CERT1: variants seen among roughly 807,000 people sequenced by gnomAD.
CERT1 encodes ceramide transporter 1.
A neutral mutation model predicts 87.9 loss-of-function variants in CERT1; 31 were observed. The ratio of observed to expected loss-of-function variants is 0.35; its 90% CI spans 0.27 to 0.48. The LOEUF (loss-of-function observed/expected upper bound fraction) is 0.48. CERT1 is among the 20% of genes least tolerant of loss of function. The probability of loss-of-function intolerance (pLI) is 0.99; values close to 1 mark genes in which losing one functional copy is unlikely to be tolerated. For synonymous variants in CERT1, 289 were observed against 250.9 expected (o/e 1.15, Z -1.44); for missense variants, 487 against 758.0 (o/e 0.64, Z 4.20).
chr5:75,484,724 A>G (rs1766428016), intron 2 of CERT1, among the ~76,000 whole-genome samples: 1 of 152,168 alleles, frequency 6.6e-6, no homozygotes, highest in African/African-American at 2.4e-5. Flanking sequence ...CCACCCAGAT[A>G]TATAAAGCAA....
chr5:75,384,782 A>T, intron 13 of CERT1, 70 bp from the exon 14 acceptor site: 1 of 1,025,512 alleles, frequency 9.8e-7, no homozygotes, highest in Non-Finnish European at 1.5e-6. Flanking sequence ...CTTATGTTGA[A>T]AGTCAAGTAC....
At position 75,382,058 on chromosome 5, in the gene CERT1, T is replaced by C. The variant is rs146141071; in HGVS notation, c.1508A>G (p.Gln503Arg). The change falls in exon 15 of 17, where the codon CAG becomes CGG. Residue 503 changes from glutamine to arginine, a missense_variant. Physicochemically the swap from Gln to Arg is conservative, Grantham distance 43. This residue lies in a region of CERT1 where 147 missense variants were observed against 200.8 expected (regional missense o/e 0.73). Transcript: ENST00000643780. ...GACAGAAAGATATAATACGTCTCGC[T>C]GAGAAGCAGGCCACACCCTCTGTGG... ...QTHKRVWPASQRDVLYLSVIR... is the reference protein window; with the variant it reads ...QTHKRVWPASRRDVLYLSVIR... 2 of 1,613,936 alleles carry C rather than the reference T, an allele frequency of 1.2e-6. No individual in the cohort carries two copies. The highest frequency in any genetic ancestry group is 1.7e-6 in the Non-Finnish European group (2 of 1,179,962).
At chr5:75,455,183 T>C (rs1290530557) in intron 3 of CERT1, among the ~76,000 whole-genome samples, 1 of 152,242 alleles carries the variant, frequency 6.6e-6, no homozygotes, top group Non-Finnish European at 1.5e-5. Context: ...ATGTCTTGAC[T>C]GCACATTGCA....
intron 2 of CERT1, among the ~76,000 whole-genome samples, chr5:75,462,952 A>G (rs1765300225): frequency 1.4e-5 from 2 of 145,612 alleles, no homozygotes; most frequent in Admixed American, 7.0e-5. Context: ...AGATGGCGCT[A>G]CTGTACTCCA....
intron 2 of CERT1, among the ~76,000 whole-genome samples, chr5:75,491,392 A>G (rs578220723): frequency 1.3e-5 from 2 of 152,230 alleles, no homozygotes; most frequent in Admixed American, 1.3e-4. Flanking sequence ...GACATTCAGA[A>G]GTGTGTCTCT....
intron 2 of CERT1, among the ~76,000 whole-genome samples, chr5:75,485,312 C>CAAAAAAAAACAAAAAAAAAA (rs1766461799): frequency 2.2e-5 from 1 of 46,438 alleles, no homozygotes; most frequent in Non-Finnish European, 3.7e-5. Flanking sequence ...CACAAAAATA[C>CAAAAAAAAACAAAAAAAAAA]AAAAAAAAAA....
At chr5:75,506,251 A>C in intron 1 of CERT1, 135 bp from the exon 2 acceptor site, 1 of 659,472 alleles carries the variant, frequency 1.5e-6, no homozygotes, top group East Asian at 3.0e-5. Context: ...AAGCATAAAC[A>C]GTAAAATGAT....
intron 3 of CERT1, among the ~76,000 whole-genome samples, chr5:75,458,270 T>C (rs939378367): frequency 1.1e-4 from 16 of 152,240 alleles, no homozygotes; most frequent in African/African-American, 3.6e-4. Flanking sequence ...CTTATATATT[T>C]ATATAAAAAA....
chr5:75,432,464 G>C (rs746299583), intron 3 of CERT1, among the ~76,000 whole-genome samples: 3 of 152,216 alleles, frequency 2.0e-5, no homozygotes, highest in Admixed American at 6.5e-5. Context: ...CTAACAAACA[G>C]TGATGTTGAA....
intron 3 of CERT1, among the ~76,000 whole-genome samples, chr5:75,456,467 A>G (rs1276255659): frequency 1.3e-5 from 2 of 151,962 alleles, no homozygotes; most frequent in African/African-American, 2.4e-5. Context: ...TCAGGGGTTC[A>G]AGATCAGCCT....
At position 75,413,284 on chromosome 5, in the gene CERT1, A is replaced by T. The variant is rs145843306; in HGVS notation, c.838-2181T>A. Among the ~76,000 whole-genome samples the T allele has an allele frequency of 2.1e-3, 316 of 152,338 alleles. 1 individual carries two copies. The East Asian group carries it at 0.027, about 13-fold the overall frequency. On this transcript the variant is annotated intron_variant, in intron 7 of 16. Transcript: ENST00000643780. Reference sequence around the variant, plus strand: ...AATGTCGTTATGCAGTGTATCACTGAACTTAATGGCTAAAGTCTAAACTGA... The same window carrying T: ...AATGTCGTTATGCAGTGTATCACTGTACTTAATGGCTAAAGTCTAAACTGA...
chr5:75,448,112 T>C (rs959161303), intron 3 of CERT1, among the ~76,000 whole-genome samples: 1 of 152,216 alleles, frequency 6.6e-6, no homozygotes, highest in Non-Finnish European at 1.5e-5. Context: ...ATAATGTTAC[T>C]ACTTACCAAT....
chr5:75,375,581 CAAAATAAATAAA>C (rs1761263737), downstream of CERT1: 1 of 111,430 alleles, frequency 9.0e-6, no homozygotes, highest in Non-Finnish European at 1.8e-5. Flanking sequence ...GATGCTGTCT[CAAAATAAATAAA>C]TAAATAAATA....
chr5:75,458,557 CTT>C (rs1184107012), intron 3 of CERT1, among the ~76,000 whole-genome samples: 1 of 146,302 alleles, frequency 6.8e-6, no homozygotes. Flanking sequence ...AAATATTTAT[CTT>C]TTTTTTTTTT....
At chr5:75,392,901 CG>C (rs1322403047) in intron 11 of CERT1, among the ~76,000 whole-genome samples, 1 of 121,740 alleles carries the variant, frequency 8.2e-6, no homozygotes, top group African/African-American at 3.2e-5. Context: ...ACCTGCGAGG[CG>C]GAGGTGGCAG....
chr5:75,400,375 A>G, intron 9 of CERT1, 78 bp from the exon 10 acceptor site: 1 of 963,054 alleles, frequency 1.0e-6, no homozygotes, highest in Non-Finnish European at 1.6e-6. Context: ...TATAACCTGG[A>G]ACTACCAACA....
Position 75,459,397 on chromosome 5 carries a change from A to C in CERT1, c.232-216T>G, listed in dbSNP as rs1453372119. On this transcript the variant is annotated intron_variant, in intron 2 of 16. Coordinates refer to ENST00000643780, the MANE Select transcript of CERT1 (RefSeq NM_001379029.1). ...TCACTACTCTTACAAATGAGTTGTCACATATGCTACAAACATCTATTTCTA... is the reference window on the plus strand; with the variant it reads ...TCACTACTCTTACAAATGAGTTGTCCCATATGCTACAAACATCTATTTCTA... Among the ~76,000 whole-genome samples the C allele has an allele frequency of 2.0e-5, 3 of 152,222 alleles. No individual in the cohort carries two copies. The East Asian group carries it at 5.8e-4, about 29-fold the overall frequency.
At chr5:75,421,237 T>A (rs1763365036) in intron 5 of CERT1, among the ~76,000 whole-genome samples, 1 of 152,218 alleles carries the variant, frequency 6.6e-6, no homozygotes, top group Non-Finnish European at 1.5e-5. Flanking sequence ...GAACATCTCA[T>A]CTATCTTAGC....
chr5:75,481,233 ACTT>A (rs950408610), intron 2 of CERT1, among the ~76,000 whole-genome samples: 7 of 152,104 alleles, frequency 4.6e-5, no homozygotes, highest in African/African-American at 9.7e-5. Context: ...CCTGGTCACC[ACTT>A]CTTCTAAATG....
Sources: allele counts gnomAD v4.1 joint callset (sites outside exome capture counted in the v4.1 genomes callset), GRCh38; gene constraint gnomAD v4.1.1; regional missense constraint gnomAD v4.1.1; transcripts MANE v1.5; gene names NCBI Gene and HGNC (gene_info 2026-07-23, HGNC 2026-07-21).